Variants in TSPAN7 observed in about 807,000 individuals in gnomAD.
TSPAN7 encodes the protein tetraspanin-7.
In TSPAN7, 1 loss-of-function variant was observed where a neutral mutation model predicts 17.6. That is an observed-to-expected ratio of 0.06 (90% CI 0.02 to 0.27). TSPAN7 has a LOEUF of 0.27. Ranked by LOEUF, TSPAN7 falls within the 10% of genes least tolerant of loss-of-function variation. TSPAN7 has a pLI of 1.00. For synonymous variants in TSPAN7, 78 were observed against 79.0 expected (o/e 0.99, Z 0.07); for missense variants, 112 against 201.7 (o/e 0.56, Z 2.69).
intron 2 of TSPAN7, among the ~76,000 whole-genome samples, chrX:38,668,761 T>C (rs946820811): frequency 1.8e-5 from 2 of 111,767 alleles, no homozygotes; most frequent in Admixed American, 1.9e-4. Flanking sequence ...CCTCAACATA[T>C]TGATTTCATT....
chrX:38,642,556 C>T (rs917582115), intron 1 of TSPAN7, among the ~76,000 whole-genome samples: 8 of 111,876 alleles, frequency 7.2e-5, no homozygotes, highest in African/African-American at 1.9e-4. Context: ...ACTTAAATGC[C>T]GCAAAATCCA....
chrX:38,575,975 A>G (rs2069191974), intron 1 of TSPAN7, among the ~76,000 whole-genome samples: 1 of 112,389 alleles, frequency 8.9e-6, no homozygotes, highest in South Asian at 3.7e-4. Context: ...TTATTGCTCT[A>G]GAGAAGTGGT....
intron 5 of TSPAN7, among the ~76,000 whole-genome samples, chrX:38,678,995 C>T (rs979496207): frequency 8.9e-6 from 1 of 111,734 alleles, no homozygotes; most frequent in Non-Finnish European, 1.9e-5. Flanking sequence ...AAATACTGCT[C>T]ATTCAAGATC....
At chrX:38,615,402 G>A (rs896243534) in intron 1 of TSPAN7, among the ~76,000 whole-genome samples, 3 of 111,340 alleles carry the variant, frequency 2.7e-5, no homozygotes, top group Non-Finnish European at 5.7e-5. Context: ...AATGAGCTGG[G>A]GTTCCATTTT....
chrX:38,644,265 A>G (rs2069632373), intron 1 of TSPAN7, among the ~76,000 whole-genome samples: 1 of 111,737 alleles, frequency 8.9e-6, no homozygotes, highest in South Asian at 3.8e-4. Flanking sequence ...GAATAGCTGC[A>G]CTGTTGTTCT....
At chrX:38,579,008 C>T (rs2069212261) in intron 1 of TSPAN7, among the ~76,000 whole-genome samples, 1 of 111,656 alleles carries the variant, frequency 9.0e-6, no homozygotes, top group Non-Finnish European at 1.9e-5. Context: ...GGGGGATCCA[C>T]ATCAAATGTT....
chrX:38,642,320 A>G (rs780367959), intron 1 of TSPAN7, among the ~76,000 whole-genome samples: 3 of 112,014 alleles, frequency 2.7e-5, no homozygotes, highest in South Asian at 3.8e-4. Context: ...TCATGAGAGG[A>G]AAAAAGCCAC....
intron 1 of TSPAN7, among the ~76,000 whole-genome samples, chrX:38,565,971 C>G (rs892777235): frequency 9.0e-6 from 1 of 111,458 alleles, no homozygotes; most frequent in African/African-American, 3.3e-5. Context: ...CATGAGACAA[C>G]CCCTCACAAC....
chrX:38,644,729 C>T (rs1270337515), intron 1 of TSPAN7, among the ~76,000 whole-genome samples: 1 of 112,311 alleles, frequency 8.9e-6, no homozygotes, highest in African/African-American at 3.2e-5. Flanking sequence ...GAGGGTTGGA[C>T]TAGAGATGAT....
At chrX:38,673,608 A>T (rs1389263732) in intron 3 of TSPAN7, among the ~76,000 whole-genome samples, 4 of 110,458 alleles carry the variant, frequency 3.6e-5, no homozygotes, top group Non-Finnish European at 5.7e-5. Flanking sequence ...CCTGACCTCA[A>T]GTTATCTGCC....
At chrX:38,650,156 C>T (rs1051527878) in intron 1 of TSPAN7, among the ~76,000 whole-genome samples, 7 of 111,801 alleles carry the variant, frequency 6.3e-5, no homozygotes, top group Admixed American at 2.8e-4. Flanking sequence ...AGGGTAGCTC[C>T]TTTGGCTTCC....
chrX:38,634,450 A>G (rs2069568217), intron 1 of TSPAN7, among the ~76,000 whole-genome samples: 1 of 112,161 alleles, frequency 8.9e-6, no homozygotes, highest in Non-Finnish European at 1.9e-5. Context: ...CTAATTTAAA[A>G]CTGAACCATG....
intron 1 of TSPAN7, among the ~76,000 whole-genome samples, chrX:38,646,617 A>C (rs1373667441): frequency 8.9e-6 from 1 of 112,234 alleles, no homozygotes; most frequent in Non-Finnish European, 1.9e-5. Flanking sequence ...AAAGTTGAGA[A>C]GCTCTAATTA....
intron 1 of TSPAN7, among the ~76,000 whole-genome samples, chrX:38,650,824 C>A (rs2069671772): frequency 9.0e-6 from 1 of 111,023 alleles, no homozygotes; most frequent in African/African-American, 3.3e-5. Context: ...TTTCTAAGCA[C>A]AACATGGAAG....
chrX:38,629,909 G>A (rs2069540411), intron 1 of TSPAN7, among the ~76,000 whole-genome samples: 1 of 111,774 alleles, frequency 8.9e-6, no homozygotes, highest in African/African-American at 3.3e-5. Flanking sequence ...CATTTAAAAG[G>A]TATTGACTTT....
intron 1 of TSPAN7, among the ~76,000 whole-genome samples, chrX:38,598,276 C>T (rs62589248): frequency 0.018 from 2,000 of 111,099 alleles, 20 homozygotes; most frequent in Non-Finnish European, 0.03. Flanking sequence ...TATCCCTCCT[C>T]TCTGTGAAAT....
chrX:38,571,030 C>T (rs1169029003), intron 1 of TSPAN7: 1 of 111,798 alleles, frequency 8.9e-6, no homozygotes, highest in Non-Finnish European at 1.9e-5. Flanking sequence ...AGTTTTGTTA[C>T]ATATATATAT....
At chrX:38,610,012 A>G (rs972819400) in intron 1 of TSPAN7, among the ~76,000 whole-genome samples, 1 of 111,254 alleles carries the variant, frequency 9.0e-6, no homozygotes, top group Non-Finnish European at 1.9e-5. Flanking sequence ...AAAATCTGAG[A>G]GATTTTTGTA....
At chrX:38,602,752 T>C (rs1014619434) in intron 1 of TSPAN7, among the ~76,000 whole-genome samples, 20 of 110,730 alleles carry the variant, frequency 1.8e-4, no homozygotes, top group African/African-American at 6.3e-4. Flanking sequence ...CTCTCAAAGG[T>C]GGTAACATTG....
Sources: gnomAD v4.1 joint callset for allele counts (sites outside exome capture counted in the v4.1 genomes callset) on GRCh38, gnomAD v4.1.1 for gene constraint, MANE v1.5 for transcripts, NCBI Gene and HGNC (gene_info 2026-07-23, HGNC 2026-07-21) for gene names.